The following CPS1 variants were observed in gnomAD, a reference collection of about 807,000 sequenced individuals.
The protein encoded by CPS1 is carbamoyl-phosphate synthase [ammonia], mitochondrial.
Under a neutral mutation model 174.6 loss-of-function variants are expected in CPS1, and 109 were observed. The ratio of observed to expected loss-of-function variants is 0.62; its 90% CI spans 0.53 to 0.73. CPS1 has a LOEUF of 0.73. Ranked by LOEUF, CPS1 falls within the 30% of genes least tolerant of loss-of-function variation. The probability of loss-of-function intolerance (pLI) is 0.00; values close to 1 mark genes in which losing one functional copy is unlikely to be tolerated. For missense variants in CPS1, 1,689 were observed against 1,821.9 expected, an observed-to-expected ratio of 0.93 and a Z score of 1.33; for synonymous variants, 637 against 632.0, an observed-to-expected ratio of 1.01 and a Z score of -0.12.
intron 21 of CPS1, chr2:210,619,658 G>A (rs143139688): frequency 2.0e-5 from 3 of 152,070 alleles, no homozygotes; most frequent in Admixed American, 1.3e-4. Flanking sequence ...GCAATTGATA[G>A]CTACGATGCA....
At chr2:210,634,979 C>T (rs558581824) in intron 21 of CPS1, among the ~76,000 whole-genome samples, 3 of 152,038 alleles carry the variant, frequency 2.0e-5, no homozygotes, top group East Asian at 1.9e-4. Context: ...GTGGAGTCTC[C>T]GTTGTCTGAG....
At position 210,577,252 on chromosome 2, in the gene CPS1, A is replaced by G. The variant is rs1468412923; in HGVS notation, c.382-169A>G. On this transcript the variant is annotated intron_variant, in intron 3 of 37. Transcript: ENST00000233072. ...TCAGGATAATTAATGCAACAATTAC[A>G]TATTTTAAAAGAAGGGCATTGATTT... is the stretch of plus-strand genomic sequence containing the variant. 2.5e-5 allele frequency: 16 copies of G among 641,108 alleles called. No homozygotes were observed. The Middle Eastern group carries it at 1.3e-3, about 51-fold the overall frequency. The allele number at this position is 641,108 out of a possible 1,614,324, so 39.7% of individuals were successfully genotyped here.
chr2:210,566,312 C>G (rs1401121902), intron 1 of CPS1, among the ~76,000 whole-genome samples: 1 of 152,148 alleles, frequency 6.6e-6, no homozygotes, highest in South Asian at 2.1e-4. Context: ...TTATTCATCA[C>G]AGCATCTAGG....
intron 19 of CPS1, among the ~76,000 whole-genome samples, chr2:210,611,724 G>T (rs1016340297): frequency 6.6e-6 from 1 of 151,786 alleles, no homozygotes; most frequent in Non-Finnish European, 1.5e-5. Flanking sequence ...TATATTTCTG[G>T]TTTCTTTTTA....
At chr2:210,676,897 A>C (rs1014045580) in intron 36 of CPS1, 110 bp from the exon 37 acceptor site, 17 of 997,910 alleles carry the variant, frequency 1.7e-5, no homozygotes, top group Non-Finnish European at 2.5e-5. Flanking sequence ...ATGGCAGTCA[A>C]CTCAGCATGG....
chr2:210,598,741 T>G (rs1698595307), intron 13 of CPS1, among the ~76,000 whole-genome samples: 1 of 151,784 alleles, frequency 6.6e-6, no homozygotes, highest in Non-Finnish European at 1.5e-5. Context: ...GCAAAGAGAC[T>G]TAGACTCCCA....
Position 210,674,893 on chromosome 2 carries a change from C to T in CPS1, c.4102-9C>T. The T allele has an allele frequency of 6.2e-7, 1 of 1,611,998 alleles. No individual in the cohort carries two copies. The highest frequency in any genetic ancestry group is 8.5e-7 in the Non-Finnish European group (1 of 1,178,146). On this transcript the variant is annotated splice_polypyrimidine_tract_variant and intron_variant, in intron 34 of 37. Coordinates refer to ENST00000233072, the MANE Select transcript of CPS1 (RefSeq NM_001875.5). The stretch of plus-strand genomic sequence containing the variant: ...TCTAGAAAGTGAATTTTGTGAAATT[C>T]CTTTTCAGCAATCATTCCGGCCAAG...
chr2:210,652,221 C>T (rs1156370358), intron 28 of CPS1, among the ~76,000 whole-genome samples: 4 of 152,150 alleles, frequency 2.6e-5, no homozygotes, highest in Non-Finnish European at 5.9e-5. Context: ...GCTAGGACAT[C>T]AAACATGATG....
chr2:210,671,116 T>C (rs145791011), intron 34 of CPS1, among the ~76,000 whole-genome samples: 3 of 152,330 alleles, frequency 2.0e-5, no homozygotes, highest in African/African-American at 7.2e-5. Context: ...TGAAGTTTTC[T>C]GGAAGACCCT....
chr2:210,550,234 C>T (rs775912748), intron 1 of CPS1, among the ~76,000 whole-genome samples: 40 of 151,926 alleles, frequency 2.6e-4, no homozygotes, highest in Non-Finnish European at 4.3e-4. Flanking sequence ...CTGATTTTCA[C>T]GAAATGCAAA....
Position 210,582,598 on chromosome 2 carries a change from A to G in CPS1, c.529-19A>G. 1 of 1,594,780 alleles carries G rather than the reference A, an allele frequency of 6.3e-7. No individual in the cohort carries two copies. Among genetic ancestry groups the G allele is most frequent in the Non-Finnish European group, 8.6e-7 (1 of 1,162,628 alleles). ...TATCGTTGCTTCCTTTTAACTGTCT[A>G]ATTTTTTTAATTTGATAGGGTACCA... On this transcript the variant is annotated intron_variant, in intron 5 of 37. Transcript: ENST00000233072.
chr2:210,494,146 T>C (rs550534201), intron 1 of CPS1, among the ~76,000 whole-genome samples: 115 of 152,348 alleles, frequency 7.5e-4, no homozygotes, highest in Non-Finnish European at 2.9e-4. Context: ...CATTAGAACA[T>C]TTAAAGAAAA....
chr2:210,658,558 A>G, intron 30 of CPS1, 41 bp from the exon 31 acceptor site: 2 of 1,554,492 alleles, frequency 1.3e-6, no homozygotes, highest in South Asian at 1.1e-5. Flanking sequence ...AAACTAAGAT[A>G]TGCTCTTTAG....
Position 210,639,221 on chromosome 2 carries a change from A to C in CPS1, c.2895+6A>C. On this transcript the variant is annotated splice_donor_region_variant and intron_variant, in intron 23 of 37. Coordinates refer to ENST00000233072, the MANE Select transcript of CPS1 (RefSeq NM_001875.5). ...ATGTTACCTACAATGGTCAGGTAGG[A>C]ATGGGCAAATTGGCCTATCCAGAAA... 1 of 1,606,946 alleles carries C rather than the reference A, an allele frequency of 6.2e-7. No homozygotes were observed. Among genetic ancestry groups the C allele is most frequent in the African/African-American group, 1.3e-5 (1 of 74,888 alleles).
At chr2:210,557,172 G>A in intron 1 of CPS1, among the ~76,000 whole-genome samples, 1 of 151,970 alleles carries the variant, frequency 6.6e-6, no homozygotes, top group East Asian at 1.9e-4. Flanking sequence ...AGATACTATT[G>A]CTTACAGTTT....
chr2:210,634,002 G>A (rs1330586172), intron 21 of CPS1, among the ~76,000 whole-genome samples: 1 of 152,118 alleles, frequency 6.6e-6, no homozygotes, highest in Non-Finnish European at 1.5e-5. Flanking sequence ...TAGAAAAATC[G>A]CTTATTTGTC....
chr2:210,579,456 G>C (rs1226805788), intron 4 of CPS1, among the ~76,000 whole-genome samples: 1 of 152,162 alleles, frequency 6.6e-6, no homozygotes, highest in Non-Finnish European at 1.5e-5. Flanking sequence ...AGCAATAGAA[G>C]TGTAGCAGAA....
At chr2:210,636,475 A>T (rs952918187) in intron 21 of CPS1, among the ~76,000 whole-genome samples, 13 of 151,394 alleles carry the variant, frequency 8.6e-5, no homozygotes, top group Admixed American at 4.6e-4. Context: ...TATTTTCATA[A>T]ATATTTATTG....
intron 1 of CPS1, among the ~76,000 whole-genome samples, chr2:210,532,359 A>G (rs966500220): frequency 6.6e-6 from 1 of 152,170 alleles, no homozygotes; most frequent in African/African-American, 2.4e-5. Flanking sequence ...ATTATTCTGA[A>G]GAATGAAGAG....
Sources: allele counts gnomAD v4.1 joint callset (sites outside exome capture counted in the v4.1 genomes callset), GRCh38; gene constraint gnomAD v4.1.1; transcripts MANE v1.5; gene names NCBI Gene and HGNC (gene_info 2026-07-23, HGNC 2026-07-21).